PGM2L1: variants seen among roughly 807,000 people sequenced by gnomAD.
The protein encoded by PGM2L1 is phosphoglucomutase 2 like 1, also known as glucose 1,6-bisphosphate synthase.
Under a neutral mutation model 73.4 loss-of-function variants are expected in PGM2L1, and 35 were observed. The observed-to-expected ratio is 0.48, with a 90% CI of 0.36 to 0.63. The LOEUF (loss-of-function observed/expected upper bound fraction) is 0.63. Ranked by LOEUF, PGM2L1 falls within the 30% of genes least tolerant of loss-of-function variation. PGM2L1 has a pLI of 0.00. For synonymous variants in PGM2L1, 225 were observed against 253.8 expected (o/e 0.89, Z 1.08); for missense variants, 570 against 742.0 (o/e 0.77, Z 2.69).
At chr11:74,360,612 C>T (rs925920681) in intron 5 of PGM2L1, among the ~76,000 whole-genome samples, 25 of 152,110 alleles carry the variant, frequency 1.6e-4, no homozygotes, top group Admixed American at 1.5e-3. Context: ...GGTGACACAT[C>T]GCCTCACCCA....
At chr11:74,342,693 T>C in intron 11 of PGM2L1, 43 bp from the exon 12 acceptor site, 1 of 1,455,182 alleles carries the variant, frequency 6.9e-7, no homozygotes, top group South Asian at 1.4e-5. Context: ...TTCAGATAAC[T>C]CTTTAAAAAA....
chr11:74,371,048 C>T (rs1862744696), intron 3 of PGM2L1, 62 bp from the exon 4 acceptor site: 2 of 1,239,408 alleles, frequency 1.6e-6, no homozygotes, highest in African/African-American at 3.0e-5. Flanking sequence ...ACCAACCTTC[C>T]ACATAAATGT....
chr11:74,368,154 C>T (rs1862691294), intron 5 of PGM2L1, among the ~76,000 whole-genome samples: 1 of 152,134 alleles, frequency 6.6e-6, no homozygotes, highest in African/African-American at 2.4e-5. Context: ...GGTACCATTC[C>T]TCTGGTTCTG....
rs1028653267 is a variant in PGM2L1, at chr11:74,336,145, A to G, written c.*507T>C. ...CTAAATATCCTATTTCAAATACTCTAATTTGTAAATTAATACCTGTGATGT... is the reference window on the plus strand; with the variant it reads ...CTAAATATCCTATTTCAAATACTCTGATTTGTAAATTAATACCTGTGATGT... On this transcript the variant is annotated 3_prime_UTR_variant, in exon 14 of 14. Coordinates refer to ENST00000298198, the MANE Select transcript of PGM2L1 (RefSeq NM_173582.6). The G allele has an allele frequency of 6.6e-6, 1 of 152,382 alleles. No individual in the cohort carries two copies. 9.4% of individuals were successfully genotyped at this position (152,382 alleles called of 1,614,324 possible).
At position 74,331,227 on chromosome 11, in the gene PGM2L1, C is replaced by A. The variant is rs1862006050; in HGVS notation, c.*5425G>T. ...CCTTCTGAAGGTCAGATTCCAAGGG[C>A]AGGAAATAGTCTGGATATGTTCTAT... On this transcript the variant is annotated 3_prime_UTR_variant, in exon 14 of 14. Coordinates refer to ENST00000298198, the MANE Select transcript of PGM2L1 (RefSeq NM_173582.6). 6.6e-6 allele frequency: 1 copy of A among 150,624 alleles called. No individual in the cohort carries two copies. Among genetic ancestry groups the A allele is most frequent in the South Asian group, 2.1e-4 (1 of 4,782 alleles). 9.3% of individuals were successfully genotyped at this position (150,624 alleles called of 1,614,324 possible). A position where few individuals can be genotyped will look rare whatever the true frequency, so the allele number is the denominator to read the frequency against.
intron 2 of PGM2L1, 61 bp from the exon 3 acceptor site, chr11:74,371,878 A>G: frequency 1.5e-6 from 2 of 1,373,462 alleles, no homozygotes; most frequent in Non-Finnish European, 2.1e-6. Context: ...TATGACTCAG[A>G]ATCTCTTATT....
rs1408706227 is a variant in PGM2L1, at chr11:74,334,638, G to C, written c.*2014C>G. 2.0e-5 allele frequency: 3 copies of C among 152,162 alleles called. No homozygotes were observed. Among genetic ancestry groups the C allele is most frequent in the Non-Finnish European group, 4.4e-5 (3 of 68,030 alleles). 9.4% of individuals were successfully genotyped at this position (152,162 alleles called of 1,614,324 possible). ...GGCAATACAATAGTTGGACAATTAG[G>C]TTTGGATTATATGAGCTCAACCAAA... On this transcript the variant is annotated 3_prime_UTR_variant, in exon 14 of 14. Transcript: ENST00000298198.
At chr11:74,397,337 A>G (rs905594148) in intron 1 of PGM2L1, among the ~76,000 whole-genome samples, 2 of 137,144 alleles carry the variant, frequency 1.5e-5, no homozygotes, top group South Asian at 2.7e-4. Context: ...TTTAATTACC[A>G]CCACAACTTG....
chr11:74,354,774 C>T, intron 5 of PGM2L1: 5 of 885,972 alleles, frequency 5.6e-6, no homozygotes, highest in Non-Finnish European at 8.7e-6. Flanking sequence ...TTGTTGGTAG[C>T]ATTAAAGAAG....
intron 5 of PGM2L1, among the ~76,000 whole-genome samples, chr11:74,358,683 G>C (rs574774806): frequency 6.6e-6 from 1 of 152,304 alleles, no homozygotes; most frequent in South Asian, 2.1e-4. Context: ...GAGGCCAGGG[G>C]TTCAAGACCA....
At chr11:74,396,709 C>A (rs1863182792) in intron 1 of PGM2L1, among the ~76,000 whole-genome samples, 1 of 152,246 alleles carries the variant, frequency 6.6e-6, no homozygotes, top group South Asian at 2.1e-4. Flanking sequence ...CCACGGCGCC[C>A]GGCCGGAAAT....
In PGM2L1 at chr11:74,368,489, T is replaced by C; in HGVS notation, c.555+3A>G. On this transcript the variant is annotated splice_donor_region_variant and intron_variant, in intron 5 of 13. Coordinates refer to ENST00000298198, the MANE Select transcript of PGM2L1 (RefSeq NM_173582.6). ...AAGCAAAGGTCAGGAGTCCAAGGTT[T>C]ACCTTGTATCCATTGTCTTCCTTGC... 6.2e-7 allele frequency: 1 copy of C among 1,608,016 alleles called. No individual in the cohort carries two copies. The highest frequency in any genetic ancestry group is 8.5e-7 in the Non-Finnish European group (1 of 1,174,508).
At chr11:74,352,942 C>T (rs1351942123) in intron 5 of PGM2L1, among the ~76,000 whole-genome samples, 2 of 152,136 alleles carry the variant, frequency 1.3e-5, no homozygotes, top group Non-Finnish European at 2.9e-5. Context: ...ATCCTTGAAG[C>T]ATTTCACTCT....
intron 1 of PGM2L1, among the ~76,000 whole-genome samples, chr11:74,392,547 T>G (rs922257252): frequency 6.7e-6 from 1 of 150,246 alleles, no homozygotes; most frequent in African/African-American, 2.4e-5. Flanking sequence ...ATAAAATAGT[T>G]TTTTTTTTTT....
chr11:74,364,302 C>A (rs1447562800), intron 5 of PGM2L1, among the ~76,000 whole-genome samples: 1 of 152,152 alleles, frequency 6.6e-6, no homozygotes, highest in Non-Finnish European at 1.5e-5. Context: ...TGAAAACTGG[C>A]ACAAGACAGG....
intron 12 of PGM2L1, among the ~76,000 whole-genome samples, chr11:74,340,535 A>T (rs1862167379): frequency 6.6e-6 from 1 of 152,350 alleles, no homozygotes; most frequent in African/African-American, 2.4e-5. Flanking sequence ...TCCAAAATAC[A>T]TTATGTCCCC....
intron 1 of PGM2L1, among the ~76,000 whole-genome samples, chr11:74,391,435 A>C (rs1482965296): frequency 6.6e-6 from 1 of 152,076 alleles, no homozygotes; most frequent in Non-Finnish European, 1.5e-5. Flanking sequence ...GTTACTCCAC[A>C]TCAACTTCCT....
chr11:74,384,644 C>T lies in PGM2L1; in HGVS notation c.112-10062G>A, dbSNP rs529436040. 2.0e-5 allele frequency among the ~76,000 whole-genome samples: 3 copies of T among 152,140 alleles called. No individual in the cohort carries two copies. In the South Asian group the frequency reaches 6.2e-4, roughly 32 times the overall value. On this transcript the variant is annotated intron_variant, in intron 1 of 13. Transcript: ENST00000298198. The stretch of plus-strand genomic sequence containing the variant: ...TTTGGAAACTAAGATGAAGCTACCT[C>T]CCTCCAGGAAACTTGTTGTTGTTGT...
intron 1 of PGM2L1, among the ~76,000 whole-genome samples, chr11:74,383,715 G>A (rs1862980062): frequency 6.6e-6 from 1 of 151,406 alleles, no homozygotes; most frequent in African/African-American, 2.4e-5. Context: ...TTCTGTTCCT[G>A]TGTTAGTTTG....
Sources: allele counts gnomAD v4.1 joint callset (sites outside exome capture counted in the v4.1 genomes callset), GRCh38; gene constraint gnomAD v4.1.1; transcripts MANE v1.5; gene names NCBI Gene and HGNC (gene_info 2026-07-23, HGNC 2026-07-21).